Variants in MEGF11 observed in about 807,000 individuals in gnomAD.
MEGF11 encodes the protein multiple EGF like domains 11.
In MEGF11, 126 loss-of-function variants were observed where a neutral mutation model predicts 146.6. That is an observed-to-expected ratio of 0.86 (90% CI 0.74 to 1.00). MEGF11 has a LOEUF of 1.00. Among genes scored for constraint, MEGF11 ranks in the 50% least tolerant of loss-of-function variants. The pLI is 0.00. For missense variants in MEGF11, 1,509 were observed against 1,521.2 expected (o/e 0.99, Z 0.13); for synonymous variants, 532 against 583.4 (o/e 0.91, Z 1.27).
chr15:66,079,301 C>A (rs1171537195), intron 5 of MEGF11, among the ~76,000 whole-genome samples: 2 of 152,172 alleles, frequency 1.3e-5, no homozygotes, highest in Non-Finnish European at 2.9e-5. Context: ...TGGTGGGCAT[C>A]TGTTGTGCTG....
intron 1 of MEGF11, among the ~76,000 whole-genome samples, chr15:66,224,793 T>C (rs2091816911): frequency 1.3e-5 from 2 of 150,596 alleles, no homozygotes; most frequent in African/African-American, 4.9e-5. Context: ...ATAAGTGCTA[T>C]CCAAGGATTA....
chr15:65,942,752 T>C (rs1293346821), intron 10 of MEGF11, among the ~76,000 whole-genome samples: 1 of 151,966 alleles, frequency 6.6e-6, no homozygotes, highest in Admixed American at 6.6e-5. Context: ...GGGGTGAGGA[T>C]GGTTATGGCC....
chr15:65,986,197 C>T (rs751619690), intron 5 of MEGF11, among the ~76,000 whole-genome samples: 1 of 152,104 alleles, frequency 6.6e-6, no homozygotes, highest in African/African-American at 2.4e-5. Flanking sequence ...AGGTAATCTA[C>T]CTGCCTCAGC....
chr15:65,910,081 CAG>C (rs1354048755), intron 21 of MEGF11: 1 of 599,158 alleles, frequency 1.7e-6, no homozygotes, highest in Non-Finnish European at 3.1e-6. Context: ...CTGGCCCTGA[CAG>C]AGGAAGCAGA....
At chr15:66,080,242 G>A (rs8035843) in intron 5 of MEGF11, among the ~76,000 whole-genome samples, 28,859 of 152,120 alleles carry the variant, frequency 0.19, 2,975 homozygotes, top group East Asian at 0.41. Flanking sequence ...GTCTGTCCTC[G>A]CACTTCTGAC....
intron 5 of MEGF11, among the ~76,000 whole-genome samples, chr15:66,024,001 G>A (rs987639100): frequency 1.3e-5 from 2 of 152,134 alleles, no homozygotes; most frequent in African/African-American, 4.8e-5. Context: ...GAGAAGTTGG[G>A]ACAGAGGGGA....
At chr15:66,047,331 G>A (rs2084250212) in intron 5 of MEGF11, among the ~76,000 whole-genome samples, 1 of 152,180 alleles carries the variant, frequency 6.6e-6, no homozygotes, top group East Asian at 1.9e-4. Flanking sequence ...GTGACCTGGG[G>A]CCAGTTACTG....
chr15:66,103,369 G>T (rs1401456254), intron 4 of MEGF11, among the ~76,000 whole-genome samples: 1 of 152,216 alleles, frequency 6.6e-6, no homozygotes, highest in Non-Finnish European at 1.5e-5. Context: ...CTTCATTCCT[G>T]TGTGACCTTG....
In MEGF11 at chr15:66,094,424, C is replaced by T; in HGVS notation, c.372G>A (p.Trp124Ter). The T allele has an allele frequency of 6.4e-7, 1 of 1,561,696 alleles. No homozygotes were observed. The highest frequency in any genetic ancestry group is 1.4e-5 in the African/African-American group (1 of 73,726). Residue 124 changes from tryptophan (W) to a stop codon, truncating the protein, a stop_gained, in exon 5 of 26, where the codon TGG becomes TGA. Coordinates refer to ENST00000395614, the MANE Select transcript of MEGF11 (RefSeq NM_001385028.1). LOFTEE classifies it high-confidence loss of function. ...CACCGCTGGAGCAGTCGGGCCCTCC[C>T]CAGCCAGGCTCGCAGTGGCAGGTGT... ...SPDTCHCEPGWGGPDCSSGCD... is the reference protein window; with the variant it reads ...SPDTCHCEPG
intron 1 of MEGF11, among the ~76,000 whole-genome samples, chr15:66,218,298 G>C (rs1469290573): frequency 1.3e-5 from 2 of 152,160 alleles, no homozygotes; most frequent in Non-Finnish European, 2.9e-5. Context: ...TAAGCTAAAA[G>C]CCTGTTCCCA....
rs546195014 is a variant in MEGF11, at chr15:66,122,150, C to T, written c.200+1749G>A. On this transcript the variant is annotated intron_variant, in intron 3 of 25. Coordinates refer to ENST00000395614, the MANE Select transcript of MEGF11 (RefSeq NM_001385028.1). ...TGGTGGTGGGTGCCTGTAATCCCAG[C>T]TTACTCAGGAGGCTGAGGCAGGAGA... 3.9e-5 allele frequency among the ~76,000 whole-genome samples: 6 copies of T among 152,040 alleles called. No homozygotes were observed. The East Asian group carries it at 9.7e-4, about 25-fold the overall frequency.
intron 5 of MEGF11, among the ~76,000 whole-genome samples, chr15:66,085,567 T>C (rs1414791862): frequency 6.6e-6 from 1 of 152,204 alleles, no homozygotes; most frequent in Non-Finnish European, 1.5e-5. Context: ...TAGACCCAGA[T>C]GAGAGACAAC....
chr15:65,977,124 G>A (rs182897389), intron 7 of MEGF11, among the ~76,000 whole-genome samples: 3 of 126,604 alleles, frequency 2.4e-5, no homozygotes, highest in East Asian at 2.2e-4. Context: ...AGCCGAGATC[G>A]TGCCACTGCA....
chr15:65,917,220 C>G (rs528073132), intron 16 of MEGF11, among the ~76,000 whole-genome samples: 1 of 152,172 alleles, frequency 6.6e-6, no homozygotes, highest in Non-Finnish European at 1.5e-5. Context: ...TGAGGGCCCC[C>G]GAGCCTCCCC....
intron 21 of MEGF11, among the ~76,000 whole-genome samples, chr15:65,911,197 C>T (rs1302298255): frequency 6.6e-6 from 1 of 152,206 alleles, no homozygotes; most frequent in Non-Finnish European, 1.5e-5. Context: ...ACTCAGTGTC[C>T]ACAGAACATT....
In MEGF11 at chr15:65,922,338, C is replaced by T. The variant is rs867809104; in HGVS notation, c.1957G>A (p.Val653Met). 1.2e-6 allele frequency: 2 copies of T among 1,607,576 alleles called. No individual in the cohort carries two copies. Among genetic ancestry groups the T allele is most frequent in the African/African-American group, 1.3e-5 (1 of 74,768 alleles). ...AGTACCTTCCCACTGGAGACAGTACCTTGGTTGCAGAGAGCTCCAGAGAAT... is the reference window on the plus strand; with the variant it reads ...AGTACCTTCCCACTGGAGACAGTACTTTGGTTGCAGAGAGCTCCAGAGAAT... Reference protein sequence around the residue: ...PGFSGALCNQVCAGGYFGQDC... With the variant: ...PGFSGALCNQMCAGGYFGQDC... The change falls in exon 15 of 26, where the codon GTG becomes ATG. Residue 653 changes from valine (V) to methionine (M), a missense_variant and splice_region_variant. Transcript: ENST00000395614.
At position 66,158,026 on chromosome 15, in the gene MEGF11, C is replaced by T. The variant is rs1049368698; in HGVS notation, c.-8-29615G>A. 4.6e-5 allele frequency among the ~76,000 whole-genome samples: 7 copies of T among 152,224 alleles called. No individual in the cohort carries two copies. The East Asian group carries it at 9.6e-4, about 21-fold the overall frequency. On this transcript the variant is annotated intron_variant, in intron 1 of 25. Transcript: ENST00000395614. The stretch of plus-strand genomic sequence containing the variant: ...TTGCCCCTTGAAATGTTTTGTTCTC[C>T]GGGTGAGACATAGCTTTTCCCATTT...
At chr15:65,909,904 A>C in intron 21 of MEGF11, 98 bp from the exon 22 acceptor site, 1 of 1,062,514 alleles carries the variant, frequency 9.4e-7, no homozygotes, top group Non-Finnish European at 1.4e-6. Context: ...CCCTGTAATA[A>C]TCCTGACCCA....
At chr15:66,189,011 T>C (rs7175296) in intron 1 of MEGF11, among the ~76,000 whole-genome samples, 17,040 of 152,004 alleles carry the variant, frequency 0.11, 1,562 homozygotes, top group African/African-American at 0.25. Flanking sequence ...AAATTGGTTA[T>C]CCAGGAAAAA....
Sources: allele counts gnomAD v4.1 joint callset (sites outside exome capture counted in the v4.1 genomes callset), GRCh38; gene constraint gnomAD v4.1.1; transcripts MANE v1.5; gene names NCBI Gene and HGNC (gene_info 2026-07-23, HGNC 2026-07-21).